Variants in SYNE1 observed in about 807,000 individuals in gnomAD.
SYNE1 encodes the protein spectrin repeat containing nuclear envelope protein 1.
Under a neutral mutation model 1,111.0 loss-of-function variants are expected in SYNE1, and 616 were observed. That is an observed-to-expected ratio of 0.55 (90% CI 0.52 to 0.59). The LOEUF (loss-of-function observed/expected upper bound fraction) is 0.59. SYNE1 is among the 20% of genes least tolerant of loss of function. SYNE1 has a pLI of 0.00. For missense variants in SYNE1, 10,006 were observed against 10,417.0 expected, an observed-to-expected ratio of 0.96 and a Z score of 1.72; for synonymous variants, 3,855 against 3,825.8, an observed-to-expected ratio of 1.01 and a Z score of -0.28.
At chr6:152,157,115 C>T (rs2061527947) in intron 131 of SYNE1, among the ~76,000 whole-genome samples, 1 of 152,200 alleles carries the variant, frequency 6.6e-6, no homozygotes, top group African/African-American at 2.4e-5. Flanking sequence ...GTGTGAGCCA[C>T]CACGCCCAGC....
Position 152,369,531 on chromosome 6 carries a change from A to G in SYNE1, c.9591T>C (p.His3197=), listed in dbSNP as rs375436121. The change falls in exon 60 of 146, where the codon CAT becomes CAC. Residue 3197 remains histidine (H), a synonymous_variant. Coordinates refer to ENST00000367255, the MANE Select transcript of SYNE1 (RefSeq NM_182961.4). ...GATCATAGAGGCGATTGCTGCTTTC[A>G]TGGACCATCTTCTCAGTTTTACTCA... ...DWLSKTEKMV[H]ESSNRLYDLP... 4.7e-5 allele frequency: 76 copies of G among 1,614,198 alleles called. No homozygotes were observed. The highest frequency in any genetic ancestry group is 6.0e-5 in the Non-Finnish European group (71 of 1,180,034).
At chr6:152,197,506 GA>G (rs1296123357) in intron 127 of SYNE1, among the ~76,000 whole-genome samples, 1 of 152,184 alleles carries the variant, frequency 6.6e-6, no homozygotes, top group Non-Finnish European at 1.5e-5. Context: ...ATAAGACTTG[GA>G]AGTTGAAATT....
In SYNE1 at chr6:152,465,424, T is replaced by C; in HGVS notation, c.1766A>G (p.Glu589Gly). Reference sequence around the variant, plus strand: ...GAGATTCCTCCACTGAGCGGTGGTTTCATTCATGAATTTCATCACATTCTC... The same window carrying C: ...GAGATTCCTCCACTGAGCGGTGGTTCCATTCATGAATTTCATCACATTCTC... ...EAENVMKFMN[E>G]TTAQWRNLSV... The change falls in exon 18 of 146, where the codon GAA (glutamate) becomes GGA (glycine). Residue 589 changes from glutamate to glycine, a missense_variant. Glu to Gly is a moderately conservative substitution (Grantham distance 98). Around this residue, in one of 7 missense-constraint regions of SYNE1, gnomAD observed 1,971 missense variants for 2,084.1 expected, o/e 0.95. Coordinates refer to ENST00000367255, the MANE Select transcript of SYNE1 (RefSeq NM_182961.4). 1 of 1,613,624 alleles carries C rather than the reference T, an allele frequency of 6.2e-7. No individual in the cohort carries two copies. The highest frequency in any genetic ancestry group is 8.5e-7 in the Non-Finnish European group (1 of 1,179,762).
At chr6:152,290,322 C>G (rs764237764) in intron 95 of SYNE1, among the ~76,000 whole-genome samples, 1 of 152,080 alleles carries the variant, frequency 6.6e-6, no homozygotes, top group African/African-American at 2.4e-5. Context: ...TTTGGGAGGC[C>G]GAGGTAAGTG....
At chr6:152,545,298 G>A (rs1205970399) in intron 3 of SYNE1, among the ~76,000 whole-genome samples, 1 of 152,154 alleles carries the variant, frequency 6.6e-6, no homozygotes, top group African/African-American at 2.4e-5. Context: ...ACCAGGAAGA[G>A]TCCGGGTGCT....
chr6:152,526,110 G>T lies in SYNE1; in HGVS notation c.195C>A (p.Ala65=). 1 of 1,614,056 alleles carries T rather than the reference G, an allele frequency of 6.2e-7. No homozygotes were observed. The highest frequency in any genetic ancestry group is 8.5e-7 in the Non-Finnish European group (1 of 1,179,990). Reference sequence around the variant, plus strand: ...TCTGCCCAGACAGGACCTCCAGAAGGGCAAGCAGTTTAACACCATCTTTCA... The same window carrying T: ...TCTGCCCAGACAGGACCTCCAGAAGTGCAAGCAGTTTAACACCATCTTTCA... ...EDMKDGVKLL[A]LLEVLSGQKL... is the part of the protein sequence containing the mutation. Residue 65 remains alanine (A), a synonymous_variant, in exon 5 of 146, where the codon GCC becomes GCA. Coordinates refer to ENST00000367255, the MANE Select transcript of SYNE1 (RefSeq NM_182961.4).
At chr6:152,404,796 A>G (rs1480922141) in intron 45 of SYNE1, 1 of 154,514 alleles carries the variant, frequency 6.5e-6, no homozygotes, top group Non-Finnish European at 1.4e-5. Flanking sequence ...ATTAAAGCAG[A>G]AACAGATTCA....
rs1175896866 is a variant in SYNE1, at chr6:152,398,650, T to C, written c.7319A>G (p.Lys2440Arg). The change falls in exon 49 of 146, where the codon AAA becomes AGA. Residue 2440 changes from lysine to arginine, a missense_variant. Around this residue, in one of 7 missense-constraint regions of SYNE1, gnomAD observed 4,955 missense variants for 5,017.2 expected, o/e 0.99. Coordinates refer to ENST00000367255, the MANE Select transcript of SYNE1 (RefSeq NM_182961.4). ...KESSDRTGDS[K>R]VLEAKLHDLQ... ...ATCATGGAGCTTTGCTTCTAGAACT[T>C]TGCTGTCACCGGTGCGATCTGATGA... is the stretch of plus-strand genomic sequence containing the variant. The C allele has an allele frequency of 1.2e-6, 2 of 1,613,904 alleles. No individual in the cohort carries two copies. Among genetic ancestry groups the C allele is most frequent in the African/African-American group, 2.7e-5 (2 of 74,926 alleles).
intron 126 of SYNE1, 81 bp downstream of exon 126, chr6:152,206,087 T>C (rs2076452126): frequency 7.5e-7 from 1 of 1,331,620 alleles, no homozygotes; most frequent in Non-Finnish European, 1.1e-6. Context: ...TTGCATTATT[T>C]GATTTGTAGA....
At position 152,148,354 on chromosome 6, in the gene SYNE1, A is replaced by C; in HGVS notation, c.24667T>G (p.Ser8223Ala). ...LPLPDDEHDL[S>A]DRELELEDSA... The stretch of plus-strand genomic sequence containing the variant: ...TCTTCCAGCTCCAGCTCCCTGTCTG[A>C]GAGGTCGTGCTCATCGTCTGGGAGC... The change falls in exon 137 of 146, where the codon TCA becomes GCA. Residue 8223 changes from serine (S) to alanine (A), a missense_variant. Ser to Ala is a moderately conservative substitution (Grantham distance 99). Coordinates refer to ENST00000367255, the MANE Select transcript of SYNE1 (RefSeq NM_182961.4). This position sits in a 1 kb window ranked among gnomAD's most constrained non-coding sequence, Gnocchi z 4.1. The C allele has an allele frequency of 6.2e-7, 1 of 1,614,080 alleles. No homozygotes were observed. The highest frequency in any genetic ancestry group is 2.2e-5 in the East Asian group (1 of 44,876).
intron 91 of SYNE1, among the ~76,000 whole-genome samples, chr6:152,304,293 G>T (rs772771104): frequency 2.0e-5 from 3 of 151,958 alleles, no homozygotes; most frequent in Non-Finnish European, 2.9e-5. Context: ...TCGCACAATG[G>T]TTTGCCATTA....
At chr6:152,307,935 T>C (rs2095428263) in intron 91 of SYNE1, among the ~76,000 whole-genome samples, 1 of 152,142 alleles carries the variant, frequency 6.6e-6, no homozygotes, top group Non-Finnish European at 1.5e-5. Context: ...TGGGTTCAAG[T>C]GCTTCTCCTG....
chr6:152,376,661 C>T, intron 57 of SYNE1, 103 bp from the exon 58 acceptor site: 1 of 1,557,532 alleles, frequency 6.4e-7, no homozygotes, highest in Non-Finnish European at 8.8e-7. Context: ...ACTTACCTCA[C>T]TTAGTAATAT....
At chr6:152,409,485 C>T in intron 43 of SYNE1, 74 bp downstream of exon 43, 1 of 1,566,316 alleles carries the variant, frequency 6.4e-7, no homozygotes, top group Non-Finnish European at 8.7e-7. Flanking sequence ...AAGAATAGTG[C>T]AGATAACTGC....
chr6:152,244,499 T>C (rs1347747408), intron 106 of SYNE1, 38 bp downstream of exon 106: 1 of 1,613,758 alleles, frequency 6.2e-7, no homozygotes, highest in South Asian at 1.1e-5. Flanking sequence ...AAGTTTGATG[T>C]ACCCCTGCAG....
chr6:152,133,006 G>A (rs1431124061), intron 143 of SYNE1, among the ~76,000 whole-genome samples: 1 of 152,040 alleles, frequency 6.6e-6, no homozygotes, highest in Non-Finnish European at 1.5e-5. Flanking sequence ...TAAACAGGGT[G>A]AAATAAAATG....
At chr6:152,225,998 C>A in intron 115 of SYNE1, 122 bp from the exon 116 acceptor site, 1 of 981,130 alleles carries the variant, frequency 1.0e-6, no homozygotes, top group East Asian at 2.6e-5. Context: ...AAGCTTATCT[C>A]TTTCAGAAGA....
chr6:152,303,057 A>G (rs1232707455), intron 91 of SYNE1, among the ~76,000 whole-genome samples: 1 of 150,486 alleles, frequency 6.6e-6, no homozygotes. Context: ...ACGAAAATAC[A>G]TATTTCAAAA....
At chr6:152,335,376 G>T (rs1205131582) in intron 76 of SYNE1, 1 of 152,110 alleles carries the variant, frequency 6.6e-6, no homozygotes, top group African/African-American at 2.4e-5. Flanking sequence ...AAGTGATTGT[G>T]ATTTAAATTT....
Sources: gnomAD v4.1 joint callset for allele counts (sites outside exome capture counted in the v4.1 genomes callset) on GRCh38, gnomAD v4.1.1 for gene constraint, gnomAD v4.1.1 regional missense constraint, Gnocchi (gnomAD v3.1) non-coding constraint, MANE v1.5 for transcripts, NCBI Gene and HGNC (gene_info 2026-07-23, HGNC 2026-07-21) for gene names.